The following PLD1 variants were observed in gnomAD, a reference collection of about 807,000 sequenced individuals.
PLD1 encodes phospholipase D1.
In PLD1, 112 loss-of-function variants were observed where a neutral mutation model predicts 137.1. The observed-to-expected ratio is 0.82, with a 90% CI of 0.70 to 0.96. The LOEUF is 0.96. PLD1 is among the 40% of genes least tolerant of loss of function. PLD1 has a pLI of 0.00. For synonymous variants in PLD1, 431 were observed against 454.7 expected, an observed-to-expected ratio of 0.95 and a Z score of 0.66; for missense variants, 1,321 against 1,342.0, an observed-to-expected ratio of 0.98 and a Z score of 0.24.
intron 21 of PLD1, chr3:171,654,090 TA>T: frequency 2.7e-6 from 1 of 376,562 alleles, no homozygotes; most frequent in Non-Finnish European, 5.2e-6. Flanking sequence ...CACTTGAGGT[TA>T]GGAGTTCAAA....
chr3:171,768,343 G>A (rs1011171249), intron 1 of PLD1, among the ~76,000 whole-genome samples: 2 of 152,168 alleles, frequency 1.3e-5, no homozygotes, highest in South Asian at 4.1e-4. Context: ...TTCTTGAGGG[G>A]GGCAAGAACC....
chr3:171,622,605 G>A (rs968002041), intron 23 of PLD1, among the ~76,000 whole-genome samples: 13 of 151,556 alleles, frequency 8.6e-5, no homozygotes, highest in Admixed American at 2.6e-4. Context: ...AGTAGGAAAT[G>A]ATGAATACTT....
chr3:171,683,649 T>C (rs1714237791), intron 16 of PLD1, among the ~76,000 whole-genome samples: 1 of 152,212 alleles, frequency 6.6e-6, no homozygotes, highest in Admixed American at 6.5e-5. Flanking sequence ...TCTCCTATGC[T>C]CTTCCTCCCG....
Position 171,677,598 on chromosome 3 carries a change from T to C in PLD1, c.1964A>G (p.Lys655Arg). ...AGGTTTATCAAGTTGAACCCAGTCTTTGAAGACGAAATTGCAGTAGTCCTT... is the reference window on the plus strand; with the variant it reads ...AGGTTTATCAAGTTGAACCCAGTCTCTGAAGACGAAATTGCAGTAGTCCTT... ...HGKDYCNFVFKDWVQLDKPFA... is the reference protein window; with the variant it reads ...HGKDYCNFVFRDWVQLDKPFA... The change falls in exon 17 of 27, where the codon AAA (lysine) becomes AGA (arginine). Residue 655 changes from lysine (K) to arginine (R), a missense_variant. Transcript: ENST00000351298. 1 of 1,614,084 alleles carries C rather than the reference T, an allele frequency of 6.2e-7. No homozygotes were observed. Among genetic ancestry groups the C allele is most frequent in the Non-Finnish European group, 8.5e-7 (1 of 1,179,942 alleles).
rs150751826 is a variant in PLD1, at chr3:171,719,337, G to T, written c.759-5292C>A. On this transcript the variant is annotated intron_variant, in intron 8 of 26. Transcript: ENST00000351298. ...GGAAGTATTTGTCTTCTTGTTTATT[G>T]TCTGTCTCCTACAGTACAGCGTAAG... 2.6e-5 allele frequency among the ~76,000 whole-genome samples: 4 copies of T among 152,244 alleles called. No individual in the cohort carries two copies. The East Asian group carries it at 7.7e-4, about 29-fold the overall frequency.
chr3:171,764,855 GAA>G (rs766507407), intron 1 of PLD1, among the ~76,000 whole-genome samples: 8 of 18,550 alleles, frequency 4.3e-4, no homozygotes, highest in African/African-American at 9.1e-4. Context: ...AAGAAAGAAA[GAA>G]AGAAAGAAAG....
intron 1 of PLD1, among the ~76,000 whole-genome samples, chr3:171,776,416 G>C (rs1226010284): frequency 6.6e-6 from 1 of 152,196 alleles, no homozygotes; most frequent in Non-Finnish European, 1.5e-5. Flanking sequence ...CTTGCTCAAA[G>C]CTCTTTTATT....
intron 9 of PLD1, among the ~76,000 whole-genome samples, chr3:171,710,934 C>G (rs1303837430): frequency 3.0e-5 from 4 of 132,444 alleles, no homozygotes; most frequent in African/African-American, 1.2e-4. Context: ...AGTGCAATGG[C>G]GCTATCTTGG....
chr3:171,793,756 G>T (rs1207621780), intron 1 of PLD1: 1 of 151,596 alleles, frequency 6.6e-6, no homozygotes, highest in Non-Finnish European at 1.5e-5. Context: ...TTTATAACAT[G>T]AATTGTTTAT....
rs1354949060 is a variant in PLD1 at position 171,600,802 on chromosome 3, A to G, written c.*2276T>C. 6.6e-6 allele frequency: 1 copy of G among 152,224 alleles called. No homozygotes were observed. Among genetic ancestry groups the G allele is most frequent in the African/African-American group, 2.4e-5 (1 of 41,454 alleles). 9.4% of individuals were successfully genotyped at this position (152,224 alleles called of 1,614,324 possible). On this transcript the variant is annotated 3_prime_UTR_variant, in exon 27 of 27. Coordinates refer to ENST00000351298, the MANE Select transcript of PLD1 (RefSeq NM_002662.5). Reference sequence around the variant, plus strand: ...GGAACTTGCCATAGAAAGCAGTAGTAAGACTTCTTATATGAGACTAAGATT... The same window carrying G: ...GGAACTTGCCATAGAAAGCAGTAGTGAGACTTCTTATATGAGACTAAGATT...
intron 25 of PLD1, among the ~76,000 whole-genome samples, chr3:171,609,046 TAAAC>T (rs1203225176): frequency 1.3e-5 from 2 of 151,896 alleles, no homozygotes; most frequent in African/African-American, 4.8e-5. Context: ...AAAAGAAAGT[TAAAC>T]AACAACCCCA....
intron 11 of PLD1, among the ~76,000 whole-genome samples, chr3:171,700,984 C>A (rs1438318124): frequency 1.3e-5 from 2 of 152,204 alleles, no homozygotes; most frequent in Admixed American, 1.3e-4. Context: ...CAGAGGTAGA[C>A]TATGTCAGGA....
chr3:171,630,392 AG>A (rs1734552872), intron 23 of PLD1, among the ~76,000 whole-genome samples: 1 of 137,836 alleles, frequency 7.3e-6, no homozygotes, highest in Non-Finnish European at 1.5e-5. Flanking sequence ...GTGGAGAAAT[AG>A]GAACACTTTT....
chr3:171,639,565 T>G (rs1490754737), intron 23 of PLD1, among the ~76,000 whole-genome samples: 6 of 72,188 alleles, frequency 8.3e-5, no homozygotes, highest in Non-Finnish European at 1.5e-4. Flanking sequence ...ATAATATATA[T>G]TATATATAAT....
At chr3:171,617,142 T>C (rs565388663) in intron 24 of PLD1, among the ~76,000 whole-genome samples, 1 of 152,278 alleles carries the variant, frequency 6.6e-6, no homozygotes, top group East Asian at 1.9e-4. Flanking sequence ...TTTCTAGAAA[T>C]AAGAACCAGG....
chr3:171,756,179 T>C (rs1448534385), intron 1 of PLD1, among the ~76,000 whole-genome samples: 3 of 152,220 alleles, frequency 2.0e-5, no homozygotes, highest in African/African-American at 4.8e-5. Context: ...TTAAGGCATT[T>C]AGACTTTACC....
intron 1 of PLD1, among the ~76,000 whole-genome samples, chr3:171,791,521 A>T (rs1162759857): frequency 1.3e-5 from 2 of 152,332 alleles, no homozygotes; most frequent in African/African-American, 2.4e-5. Flanking sequence ...CACACTAGGC[A>T]GCTGACATGT....
chr3:171,629,046 CAATTAGGAAAAGAGGAAGTCA>C (rs1734408245), intron 23 of PLD1, among the ~76,000 whole-genome samples: 1 of 149,016 alleles, frequency 6.7e-6, no homozygotes. Flanking sequence ...AAAGGGTATT[CAATTAGGAAAAGAGGAAGTCA>C]AATTGTCCCT....
At chr3:171,655,332 C>T (rs373547490) in intron 21 of PLD1, among the ~76,000 whole-genome samples, 3 of 152,130 alleles carry the variant, frequency 2.0e-5, no homozygotes, top group South Asian at 4.2e-4. Flanking sequence ...AGGGTGGCAA[C>T]CTGCAAAATA....
Sources: gnomAD v4.1 joint callset for allele counts (sites outside exome capture counted in the v4.1 genomes callset) on GRCh38, gnomAD v4.1.1 for gene constraint, MANE v1.5 for transcripts, NCBI Gene and HGNC (gene_info 2026-07-23, HGNC 2026-07-21) for gene names.